The following PSD3 variants were observed in gnomAD, a reference collection of about 807,000 sequenced individuals.
PSD3 encodes pleckstrin and Sec7 domain containing 3.
PSD3 carries 49 observed loss-of-function variants against 105.5 expected under a neutral mutation model. That is an observed-to-expected ratio of 0.46 (90% CI 0.37 to 0.59). PSD3 has a LOEUF of 0.59. Among genes scored for constraint, PSD3 ranks in the 20% least tolerant of loss-of-function variants. The pLI, the probability that PSD3 is intolerant of heterozygous loss-of-function variation, is 0.00. For synonymous variants in PSD3, 557 were observed against 457.8 expected (o/e 1.22, Z -2.77); for missense variants, 1,561 against 1,263.8 (o/e 1.24, Z -3.57).
chr8:18,680,497 A>G (rs374813010), intron 9 of PSD3, among the ~76,000 whole-genome samples: 42 of 152,272 alleles, frequency 2.8e-4, no homozygotes, highest in African/African-American at 9.9e-4. Context: ...ACAGACACCC[A>G]ATGAAGAGCT....
intron 4 of PSD3, chr8:18,808,996 C>G: frequency 3.2e-6 from 4 of 1,260,480 alleles, no homozygotes; most frequent in Non-Finnish European, 4.2e-6. Context: ...AAAACAGCAG[C>G]CAGAACACAA....
intron 4 of PSD3, among the ~76,000 whole-genome samples, chr8:18,807,662 A>G (rs376097901): frequency 2.4e-4 from 37 of 152,222 alleles, no homozygotes; most frequent in African/African-American, 8.7e-4. Context: ...ACCCAGGCAA[A>G]CTAACATGTA....
chr8:18,767,126 A>G (rs1356517672), intron 8 of PSD3, among the ~76,000 whole-genome samples: 1 of 152,246 alleles, frequency 6.6e-6, no homozygotes, highest in African/African-American at 2.4e-5. Flanking sequence ...ATTATCTCCC[A>G]GCACGTCTCC....
intron 1 of PSD3, among the ~76,000 whole-genome samples, chr8:18,936,878 C>CA (rs1307420720): frequency 1.3e-5 from 2 of 152,142 alleles, no homozygotes; most frequent in South Asian, 4.2e-4. Context: ...AGTACACCAA[C>CA]AAAAAAACCA....
chr8:18,715,479 A>G (rs1802526226), intron 9 of PSD3, among the ~76,000 whole-genome samples: 1 of 152,248 alleles, frequency 6.6e-6, no homozygotes, highest in Non-Finnish European at 1.5e-5. Context: ...ATTATTAAAG[A>G]GTAAGTGCTC....
intron 9 of PSD3, among the ~76,000 whole-genome samples, chr8:18,700,248 C>A (rs939625889): frequency 6.6e-6 from 1 of 152,070 alleles, no homozygotes; most frequent in Non-Finnish European, 1.5e-5. Context: ...AAACAGACCT[C>A]CTAATCACTT....
intron 9 of PSD3, among the ~76,000 whole-genome samples, chr8:18,737,280 T>C (rs936852780): frequency 2.6e-5 from 4 of 152,126 alleles, no homozygotes; most frequent in South Asian, 2.1e-4. Context: ...TAGAAAATAA[T>C]GGAACTTTAA....
intron 15 of PSD3, among the ~76,000 whole-genome samples, chr8:18,544,289 T>G (rs972105458): frequency 5.9e-5 from 9 of 151,774 alleles, no homozygotes; most frequent in African/African-American, 2.2e-4. Flanking sequence ...ATGGCAGAAT[T>G]GAGTTGCAGA....
At chr8:18,719,880 A>G (rs892978450) in intron 9 of PSD3, among the ~76,000 whole-genome samples, 2 of 152,200 alleles carry the variant, frequency 1.3e-5, no homozygotes, top group Non-Finnish European at 2.9e-5. Flanking sequence ...TTTAGACAAT[A>G]GTTCTTTTGT....
At chr8:18,586,634 C>A (rs971701058) in intron 12 of PSD3, among the ~76,000 whole-genome samples, 3 of 152,042 alleles carry the variant, frequency 2.0e-5, no homozygotes, top group Admixed American at 2.0e-4. Context: ...TTATGGACTT[C>A]CGGAATGGCT....
At chr8:18,771,708 C>A (rs1169077280) in intron 8 of PSD3, among the ~76,000 whole-genome samples, 1 of 152,166 alleles carries the variant, frequency 6.6e-6, no homozygotes, top group Non-Finnish European at 1.5e-5. Context: ...AGCTGTTGAG[C>A]TTTATATCAG....
intron 1 of PSD3, among the ~76,000 whole-genome samples, chr8:19,037,639 G>T (rs1196856904): frequency 6.6e-6 from 1 of 152,172 alleles, no homozygotes; most frequent in African/African-American, 2.4e-5. Context: ...GAACAAAAAG[G>T]CAAAGGACGA....
intron 9 of PSD3, among the ~76,000 whole-genome samples, chr8:18,746,873 G>T (rs1186125953): frequency 6.6e-6 from 1 of 152,222 alleles, no homozygotes; most frequent in East Asian, 1.9e-4. Flanking sequence ...GTAAATGCCA[G>T]GGTTGTGATT....
intron 9 of PSD3, among the ~76,000 whole-genome samples, chr8:18,735,143 C>T (rs1426199389): frequency 2.6e-5 from 4 of 152,050 alleles, no homozygotes; most frequent in African/African-American, 9.7e-5. Context: ...GAATAATCAC[C>T]AAAAATCCCT....
chr8:18,770,502 G>A lies in PSD3; in HGVS notation c.2083-4964C>T, dbSNP rs572608106. Among the ~76,000 whole-genome samples, 6 of 152,240 alleles carry A rather than the reference G, an allele frequency of 3.9e-5. No individual in the cohort carries two copies. In the East Asian group the frequency reaches 1.2e-3, roughly 29 times the overall value. ...CCCTGACCCCTTCATGGGCAGATATGGGAGTATATGAGCACTGGAGTCAGC... is the reference window on the plus strand; with the variant it reads ...CCCTGACCCCTTCATGGGCAGATATAGGAGTATATGAGCACTGGAGTCAGC... On this transcript the variant is annotated intron_variant, in intron 8 of 15. Transcript: ENST00000327040.
chr8:19,042,780 C>T (rs531678316), intron 1 of PSD3, among the ~76,000 whole-genome samples: 1 of 152,110 alleles, frequency 6.6e-6, no homozygotes, highest in Non-Finnish European at 1.5e-5. Flanking sequence ...GAGTTTGCTG[C>T]CAAAAGTTCA....
intron 13 of PSD3, among the ~76,000 whole-genome samples, chr8:18,573,228 G>C (rs1055303701): frequency 6.6e-6 from 1 of 152,152 alleles, no homozygotes; most frequent in Non-Finnish European, 1.5e-5. Context: ...CCAGCACTTT[G>C]GGAAGCCGAG....
Position 18,532,914 on chromosome 8 carries a change from T to G in PSD3, c.*2829A>C, listed in dbSNP as rs1189942146. ...TACTAGAAATTAATATGAAGTGTAT[T>G]GACGTGAAGAAGAATGATTTATCAT... is the stretch of plus-strand genomic sequence containing the variant. On this transcript the variant is annotated 3_prime_UTR_variant, in exon 16 of 16. Coordinates refer to ENST00000327040, the MANE Select transcript of PSD3 (RefSeq NM_015310.4). 2.0e-5 allele frequency: 3 copies of G among 152,178 alleles called. No homozygotes were observed. Among genetic ancestry groups the G allele is most frequent in the Non-Finnish European group, 4.4e-5 (3 of 68,054 alleles). The allele number at this position is 152,178 out of a possible 1,614,324, so 9.4% of individuals were successfully genotyped here. A position where few individuals can be genotyped will look rare whatever the true frequency, so the allele number is the denominator to read the frequency against.
chr8:18,633,821 T>G (rs750575378), intron 10 of PSD3, among the ~76,000 whole-genome samples: 16 of 152,120 alleles, frequency 1.1e-4, no homozygotes, highest in Admixed American at 5.2e-4. Flanking sequence ...TTTTATGTAC[T>G]CTAACAAAGT....
Sources: allele counts gnomAD v4.1 joint callset (sites outside exome capture counted in the v4.1 genomes callset), GRCh38; gene constraint gnomAD v4.1.1; transcripts MANE v1.5; gene names NCBI Gene and HGNC (gene_info 2026-07-23, HGNC 2026-07-21).